Variants in BMPR2 observed in about 807,000 individuals in gnomAD.
The protein encoded by BMPR2 is bone morphogenetic protein receptor type 2, also known as bone morphogenetic protein receptor type-2.
Under a neutral mutation model 100.8 loss-of-function variants are expected in BMPR2, and 29 were observed. The ratio of observed to expected loss-of-function variants is 0.29; its 90% CI spans 0.21 to 0.39. BMPR2 has a LOEUF of 0.39. Ranked by LOEUF, BMPR2 falls within the 10% of genes least tolerant of loss-of-function variation. BMPR2 has a pLI of 1.00. For missense variants in BMPR2, 1,011 were observed against 1,274.5 expected (o/e 0.79, Z 3.15); for synonymous variants, 382 against 442.3 (o/e 0.86, Z 1.71).
chr2:202,439,840 C>G (rs1227362762), intron 1 of BMPR2, among the ~76,000 whole-genome samples: 1 of 148,852 alleles, frequency 6.7e-6, no homozygotes, highest in Non-Finnish European at 1.5e-5. Context: ...GAGGGAAGGT[C>G]AGCAGATAAA....
intron 10 of BMPR2, among the ~76,000 whole-genome samples, chr2:202,547,288 G>A (rs1688391857): frequency 6.6e-6 from 1 of 151,992 alleles, no homozygotes; most frequent in Non-Finnish European, 1.5e-5. Context: ...GCTCACTGTA[G>A]CCTCGAACTC....
intron 1 of BMPR2, among the ~76,000 whole-genome samples, chr2:202,390,020 C>T (rs1043430221): frequency 2.6e-5 from 4 of 151,074 alleles, no homozygotes; most frequent in Admixed American, 2.6e-4. Context: ...AAAAAATCGT[C>T]TCGTGTTTCC....
At chr2:202,538,815 AGT>A (rs1688214214) in intron 9 of BMPR2, among the ~76,000 whole-genome samples, 1 of 150,306 alleles carries the variant, frequency 6.7e-6, no homozygotes, top group Non-Finnish European at 1.5e-5. Flanking sequence ...AAAAAAAAAA[AGT>A]GAGGGTCAGA....
At chr2:202,526,423 T>C (rs1687914012) in intron 7 of BMPR2, among the ~76,000 whole-genome samples, 1 of 152,258 alleles carries the variant, frequency 6.6e-6, no homozygotes, top group African/African-American at 2.4e-5. Context: ...TCATCTTTTC[T>C]AGCTGATGCT....
In BMPR2 at chr2:202,377,441, T is replaced by C. The variant is rs947457883; in HGVS notation, c.-34T>C. 1.2e-6 allele frequency: 2 copies of C among 1,611,014 alleles called. No homozygotes were observed. Among genetic ancestry groups the C allele is most frequent in the African/African-American group, 2.7e-5 (2 of 74,876 alleles). On this transcript the variant is annotated 5_prime_UTR_variant, in exon 1 of 13. Transcript: ENST00000374580. Reference sequence around the variant, plus strand: ...CGCCGGTCTACTTCCCATATTTCTTTTCTTTGCCCTCCTGATTCTTGGCTG... The same window carrying C: ...CGCCGGTCTACTTCCCATATTTCTTCTCTTTGCCCTCCTGATTCTTGGCTG...
At position 202,441,061 on chromosome 2, in the gene BMPR2, A is replaced by G. The variant is rs1483291737; in HGVS notation, c.77-23748A>G. Among the ~76,000 whole-genome samples, 6 of 150,038 alleles carry G rather than the reference A, an allele frequency of 4.0e-5. 1 individual carries two copies. Among genetic ancestry groups the G allele is most frequent in the African/African-American group, 1.5e-4 (6 of 39,496 alleles). ...AGTGGCACAATCTTGGCTCACTGCA[A>G]CGTCTCCCTCCTGGGTTCAAGCAAA... is the stretch of plus-strand genomic sequence containing the variant. On this transcript the variant is annotated intron_variant, in intron 1 of 12. Transcript: ENST00000374580.
intron 1 of BMPR2, among the ~76,000 whole-genome samples, chr2:202,380,194 C>T (rs2105894277): frequency 6.6e-6 from 1 of 150,724 alleles, no homozygotes; most frequent in East Asian, 1.9e-4. Context: ...CTATGCCCCC[C>T]CCAAAAAAAA....
chr2:202,507,063 A>G (rs1041497728), intron 3 of BMPR2, among the ~76,000 whole-genome samples: 5 of 144,062 alleles, frequency 3.5e-5, no homozygotes, highest in Admixed American at 1.4e-4. Flanking sequence ...AGAGAGTGAG[A>G]CTCTGCCTTA....
At chr2:202,533,860 G>C (rs1407213629) in intron 9 of BMPR2, among the ~76,000 whole-genome samples, 1 of 152,150 alleles carries the variant, frequency 6.6e-6, no homozygotes, top group African/African-American at 2.4e-5. Context: ...GTGAATGTTT[G>C]TTTGAGGCTT....
rs1258536944 is a variant in BMPR2, at chr2:202,376,455, C to T, written c.-1020C>T. Among the ~76,000 whole-genome samples, 1 of 145,412 alleles carries T rather than the reference C, an allele frequency of 6.9e-6. No homozygotes were observed. Among genetic ancestry groups the T allele is most frequent in the African/African-American group, 2.5e-5 (1 of 39,552 alleles). On this transcript the variant is annotated 5_prime_UTR_variant, in exon 1 of 13. Coordinates refer to ENST00000374580, the MANE Select transcript of BMPR2 (RefSeq NM_001204.7). ...CTTCATCCGCCCTCCCGCCGCCCCC[C>T]GCCCTCGGTCCGCGACGCCCGAGTT... is the stretch of plus-strand genomic sequence containing the variant.
intron 3 of BMPR2, among the ~76,000 whole-genome samples, chr2:202,492,720 A>C (rs1692930500): frequency 2.0e-5 from 3 of 149,286 alleles, no homozygotes; most frequent in Non-Finnish European, 4.5e-5. Flanking sequence ...AAAAAAAAAA[A>C]AAACCAAAAA....
At chr2:202,429,087 G>A (rs1691450545) in intron 1 of BMPR2, among the ~76,000 whole-genome samples, 1 of 152,092 alleles carries the variant, frequency 6.6e-6, no homozygotes, top group African/African-American at 2.4e-5. Context: ...TTCCTTTCTT[G>A]TTTTCCTCTG....
At chr2:202,406,722 G>C (rs1690898431) in intron 1 of BMPR2, among the ~76,000 whole-genome samples, 1 of 152,170 alleles carries the variant, frequency 6.6e-6, no homozygotes, top group African/African-American at 2.4e-5. Context: ...GTCATTCCAA[G>C]TTAGGGTTAG....
At chr2:202,468,060 A>T (rs573843729) in intron 3 of BMPR2, among the ~76,000 whole-genome samples, 1 of 152,046 alleles carries the variant, frequency 6.6e-6, no homozygotes, top group Non-Finnish European at 1.5e-5. Flanking sequence ...AAAAAATTCA[A>T]AGTTGTTGGG....
chr2:202,540,832 TC>T (rs1688255352), intron 9 of BMPR2, among the ~76,000 whole-genome samples: 2 of 152,174 alleles, frequency 1.3e-5, no homozygotes, highest in South Asian at 4.1e-4. Flanking sequence ...AAATGCCTTA[TC>T]CTCTGTCTTG....
chr2:202,421,462 CTTT>C (rs11300022), intron 1 of BMPR2, among the ~76,000 whole-genome samples: 6 of 140,802 alleles, frequency 4.3e-5, no homozygotes, highest in Non-Finnish European at 6.1e-5. Flanking sequence ...CCGCCCCCAC[CTTT>C]TTTTTTTTTT....
intron 1 of BMPR2, among the ~76,000 whole-genome samples, chr2:202,407,145 G>T (rs1216355604): frequency 6.6e-6 from 1 of 151,518 alleles, no homozygotes; most frequent in Non-Finnish European, 1.5e-5. Context: ...GTTTCACCAT[G>T]TTGGCCAGGC....
At chr2:202,383,317 C>T (rs896889646) in intron 1 of BMPR2, among the ~76,000 whole-genome samples, 4 of 152,006 alleles carry the variant, frequency 2.6e-5, no homozygotes, top group African/African-American at 9.7e-5. Flanking sequence ...GAAGCCAAGG[C>T]GGGCTGATAA....
rs536173369 is a variant in BMPR2, at chr2:202,552,842, G to C, written c.1540G>C (p.Val514Leu). The change falls in exon 11 of 13, where the codon GTG (valine) becomes CTG (leucine). Residue 514 changes from valine (V) to leucine (L), a missense_variant. Coordinates refer to ENST00000374580, the MANE Select transcript of BMPR2 (RefSeq NM_001204.7). ...GATGATTTGGGAAAGAAACAAATCT[G>C]TGAGCCCAACAGTCAATCCAATGTC... Reference protein sequence around the residue: ...LMMIWERNKSVSPTVNPMSTA... With the variant: ...LMMIWERNKSLSPTVNPMSTA... 6.2e-6 allele frequency: 10 copies of C among 1,614,198 alleles called. No homozygotes were observed. The South Asian group carries it at 1.1e-4, about 18-fold the overall frequency.
Sources: gnomAD v4.1 joint callset for allele counts (sites outside exome capture counted in the v4.1 genomes callset) on GRCh38, gnomAD v4.1.1 for gene constraint, MANE v1.5 for transcripts, NCBI Gene and HGNC (gene_info 2026-07-23, HGNC 2026-07-21) for gene names.